SND1: variants seen among roughly 807,000 people sequenced by gnomAD.
The protein encoded by SND1 is staphylococcal nuclease domain-containing protein 1.
SND1 carries 38 observed loss-of-function variants against 121.7 expected under a neutral mutation model. The ratio of observed to expected loss-of-function variants is 0.31; its 90% CI spans 0.24 to 0.41. The LOEUF (loss-of-function observed/expected upper bound fraction) is 0.41. Ranked by LOEUF, SND1 falls within the 10% of genes least tolerant of loss-of-function variation. The pLI, the probability that SND1 is intolerant of heterozygous loss-of-function variation, is 1.00. For missense variants in SND1, 868 were observed against 1,184.6 expected (o/e 0.73, Z 3.92); for synonymous variants, 401 against 447.4 (o/e 0.90, Z 1.31).
At chr7:127,742,394 C>T (rs1017166498) in intron 10 of SND1, among the ~76,000 whole-genome samples, 2 of 152,168 alleles carry the variant, frequency 1.3e-5, no homozygotes, top group African/African-American at 4.8e-5. Flanking sequence ...GATAGTAACT[C>T]ACATTCTGAA....
chr7:128,025,801 G>C (rs1273139456), intron 16 of SND1, among the ~76,000 whole-genome samples: 1 of 152,140 alleles, frequency 6.6e-6, no homozygotes, highest in African/African-American at 2.4e-5. Flanking sequence ...CCTAGTCTTA[G>C]TCTCCCCCAA....
At chr7:127,755,251 G>T (rs573462252) in intron 10 of SND1, among the ~76,000 whole-genome samples, 1 of 152,324 alleles carries the variant, frequency 6.6e-6, no homozygotes, top group East Asian at 1.9e-4. Context: ...GTGACATCTT[G>T]TTCTTCCATA....
rs543437824 is a variant in SND1, at chr7:127,930,141, G to A, written c.1669+812G>A. On this transcript the variant is annotated intron_variant, in intron 15 of 23. Transcript: ENST00000354725. ...TTACTTCCACCACCACCCCCACCCC[G>A]CCCAGCCACCCTTGCACACACAAAT... is the stretch of plus-strand genomic sequence containing the variant. Among the ~76,000 whole-genome samples, 11 of 101,820 alleles carry A rather than the reference G, an allele frequency of 1.1e-4. No individual in the cohort carries two copies. In the South Asian group the frequency reaches 1.6e-3, roughly 14 times the overall value. 66.8% of individuals were successfully genotyped at this position (101,820 alleles called of 152,430 possible). A position where few individuals can be genotyped will look rare whatever the true frequency, so the allele number is the denominator to read the frequency against.
At chr7:127,689,178 A>G (rs1442456871) in intron 2 of SND1, among the ~76,000 whole-genome samples, 2 of 152,244 alleles carry the variant, frequency 1.3e-5, no homozygotes, top group Non-Finnish European at 1.5e-5. Context: ...GCATGCTTAT[A>G]AAATAATAAA....
At chr7:127,698,266 T>C (rs1033228851) in intron 3 of SND1, among the ~76,000 whole-genome samples, 1 of 152,144 alleles carries the variant, frequency 6.6e-6, no homozygotes, top group Non-Finnish European at 1.5e-5. Flanking sequence ...CTGAGAGGAA[T>C]TGGACTTTCT....
At chr7:128,012,217 G>A (rs1803131053) in intron 16 of SND1, among the ~76,000 whole-genome samples, 1 of 152,144 alleles carries the variant, frequency 6.6e-6, no homozygotes, top group African/African-American at 2.4e-5. Context: ...TGGGGGACAG[G>A]ATGGCACAAA....
intron 5 of SND1, 57 bp from the exon 6 acceptor site, chr7:127,702,378 T>C: frequency 6.7e-7 from 1 of 1,485,094 alleles, no homozygotes. Context: ...GATTGGGCAG[T>C]GTTTATCCTT....
At chr7:127,970,764 A>G (rs1801965928) in intron 15 of SND1, among the ~76,000 whole-genome samples, 1 of 152,096 alleles carries the variant, frequency 6.6e-6, no homozygotes, top group Admixed American at 6.6e-5. Flanking sequence ...CTCATGTGAT[A>G]TGTATATTAA....
intron 11 of SND1, among the ~76,000 whole-genome samples, chr7:127,843,315 G>A (rs978025931): frequency 2.6e-5 from 4 of 152,006 alleles, no homozygotes; most frequent in African/African-American, 9.7e-5. Flanking sequence ...TATGTATAGT[G>A]GCATGTATTC....
At chr7:127,731,063 G>A (rs974547833) in intron 10 of SND1, among the ~76,000 whole-genome samples, 36 of 152,270 alleles carry the variant, frequency 2.4e-4, no homozygotes, top group Non-Finnish European at 4.3e-4. Flanking sequence ...GCATGCGGAA[G>A]CGGTAGGTGG....
intron 14 of SND1, 71 bp downstream of exon 14, chr7:127,904,890 A>G (rs1800305370): frequency 2.1e-6 from 2 of 970,226 alleles, no homozygotes; most frequent in Non-Finnish European, 3.4e-6. Context: ...TTGCTGAAGG[A>G]CTTCAGCTTA....
chr7:127,883,320 A>T (rs567666876), intron 12 of SND1, among the ~76,000 whole-genome samples: 2 of 152,232 alleles, frequency 1.3e-5, no homozygotes, highest in South Asian at 4.1e-4. Flanking sequence ...GTAAAATTCA[A>T]TTGTAGTAGG....
intron 11 of SND1, among the ~76,000 whole-genome samples, chr7:127,822,743 T>G (rs1269084366): frequency 1.3e-5 from 2 of 152,240 alleles, no homozygotes; most frequent in African/African-American, 4.8e-5. Context: ...TTACTTACTG[T>G]TTTGTAACCT....
At chr7:127,944,818 T>C (rs763555471) in intron 15 of SND1, among the ~76,000 whole-genome samples, 8 of 152,186 alleles carry the variant, frequency 5.3e-5, no homozygotes, top group Non-Finnish European at 1.2e-4. Context: ...TCTGATATGA[T>C]TGCCCAAGAA....
At chr7:128,006,201 T>C (rs931082508) in intron 16 of SND1, among the ~76,000 whole-genome samples, 1 of 152,138 alleles carries the variant, frequency 6.6e-6, no homozygotes, top group African/African-American at 2.4e-5. Context: ...CTTCTTTTTC[T>C]GCCCTAGAGA....
chr7:127,846,516 G>A (rs1303224294), intron 12 of SND1, among the ~76,000 whole-genome samples: 1 of 152,164 alleles, frequency 6.6e-6, no homozygotes, highest in Non-Finnish European at 1.5e-5. Flanking sequence ...AGACTGTTGT[G>A]TCCCTAAAGA....
intron 10 of SND1, among the ~76,000 whole-genome samples, chr7:127,763,680 C>A (rs1007725407): frequency 2.0e-5 from 3 of 151,768 alleles, no homozygotes; most frequent in Non-Finnish European, 2.9e-5. Flanking sequence ...GAAAAACTTA[C>A]GGACAAAAAA....
At chr7:128,021,835 A>C (rs1803354820) in intron 16 of SND1, among the ~76,000 whole-genome samples, 1 of 152,212 alleles carries the variant, frequency 6.6e-6, no homozygotes, top group Non-Finnish European at 1.5e-5. Context: ...GAGTGTACTC[A>C]AATGGGGAAT....
chr7:127,878,967 C>T (rs891637455), intron 12 of SND1, among the ~76,000 whole-genome samples: 2 of 148,526 alleles, frequency 1.3e-5, no homozygotes, highest in East Asian at 3.9e-4. Flanking sequence ...ACAAAAATAT[C>T]GATGATCCAG....
Sources: gnomAD v4.1 joint callset for allele counts (sites outside exome capture counted in the v4.1 genomes callset) on GRCh38, gnomAD v4.1.1 for gene constraint, MANE v1.5 for transcripts, NCBI Gene and HGNC (gene_info 2026-07-23, HGNC 2026-07-21) for gene names.